GADL1: variants seen among roughly 807,000 people sequenced by gnomAD.
The protein encoded by GADL1 is GAD like acidic amino acid decarboxylase 1.
In GADL1, 71 loss-of-function variants were observed where a neutral mutation model predicts 69.5. The ratio of observed to expected loss-of-function variants is 1.02; its 90% CI spans 0.84 to 1.25. GADL1 has a LOEUF of 1.25. Ranked by LOEUF, GADL1 falls within the 50% of genes most tolerant of loss-of-function variation. The pLI, the probability that GADL1 is intolerant of heterozygous loss-of-function variation, is 0.00. For synonymous variants in GADL1, 254 were observed against 214.4 expected (o/e 1.18, Z -1.62); for missense variants, 737 against 631.8 (o/e 1.17, Z -1.79).
intron 14 of GADL1, among the ~76,000 whole-genome samples, chr3:30,740,404 G>A (rs1323877151): frequency 6.6e-6 from 1 of 152,142 alleles, no homozygotes; most frequent in Non-Finnish European, 1.5e-5. Context: ...CCAAGTTGGG[G>A]AAGTTGTGAG....
intron 6 of GADL1, among the ~76,000 whole-genome samples, chr3:30,847,564 TTAAAA>T (rs1189769638): frequency 6.6e-6 from 1 of 152,178 alleles, no homozygotes; most frequent in Non-Finnish European, 1.5e-5. Flanking sequence ...AAAATATGAA[TTAAAA>T]TAGTGCAAAT....
intron 11 of GADL1, among the ~76,000 whole-genome samples, chr3:30,829,149 G>A (rs187864678): frequency 2.7e-5 from 4 of 146,192 alleles, no homozygotes; most frequent in African/African-American, 7.6e-5. Flanking sequence ...CGCAAATCCC[G>A]CATTTACCTC....
chr3:30,867,481 C>T (rs536959974), intron 1 of GADL1, among the ~76,000 whole-genome samples: 2 of 138,128 alleles, frequency 1.4e-5, no homozygotes, highest in South Asian at 4.9e-4. Context: ...AGAGAGAGTA[C>T]TTACTATGTG....
chr3:30,792,901 C>T (rs770854202), intron 12 of GADL1, among the ~76,000 whole-genome samples: 3 of 152,100 alleles, frequency 2.0e-5, no homozygotes, highest in Non-Finnish European at 4.4e-5. Context: ...CTGACTAAAC[C>T]AATGTTCCCA....
chr3:30,800,271 G>GC (rs1317359351), intron 12 of GADL1: 2 of 153,334 alleles, frequency 1.3e-5, no homozygotes, highest in Non-Finnish European at 1.4e-5. Flanking sequence ...TTCTTGCATG[G>GC]CAGCAGCAAG....
intron 14 of GADL1, among the ~76,000 whole-genome samples, chr3:30,776,825 A>T (rs562853106): frequency 6.6e-6 from 1 of 152,010 alleles, no homozygotes; most frequent in South Asian, 2.1e-4. Context: ...CTCACCTCCC[A>T]TCACTGCTTC....
At chr3:30,821,144 A>AT (rs963952988) in intron 11 of GADL1, among the ~76,000 whole-genome samples, 95 of 152,132 alleles carry the variant, frequency 6.2e-4, no homozygotes, top group African/African-American at 2.0e-3. Flanking sequence ...TGGACACAGG[A>AT]AGGGGAACAT....
intron 14 of GADL1, among the ~76,000 whole-genome samples, chr3:30,763,513 G>GTGGGGT (rs1696192343): frequency 8.1e-6 from 1 of 123,418 alleles, no homozygotes; most frequent in African/African-American, 3.4e-5. Context: ...GCGGCGGGGG[G>GTGGGGT]TGGGGGTGGG....
chr3:30,796,807 G>A (rs1697041566), intron 12 of GADL1, among the ~76,000 whole-genome samples: 1 of 152,082 alleles, frequency 6.6e-6, no homozygotes, highest in African/African-American at 2.4e-5. Flanking sequence ...TTGAGTTAAT[G>A]TTTCCATCGC....
chr3:30,824,362 A>G (rs1281314058), intron 11 of GADL1, among the ~76,000 whole-genome samples: 2 of 150,784 alleles, frequency 1.3e-5, no homozygotes, highest in Non-Finnish European at 2.9e-5. Context: ...GCAAAAATGA[A>G]AAACATTTTT....
At chr3:30,881,891 G>A (rs1698647426) in intron 1 of GADL1, among the ~76,000 whole-genome samples, 1 of 151,866 alleles carries the variant, frequency 6.6e-6, no homozygotes, top group African/African-American at 2.4e-5. Context: ...AGGCAAGAGT[G>A]TAGCCTCCTG....
intron 8 of GADL1, among the ~76,000 whole-genome samples, chr3:30,841,303 G>A (rs2125527241): frequency 6.6e-6 from 1 of 152,274 alleles, no homozygotes; most frequent in Middle Eastern, 3.4e-3. Flanking sequence ...ACTTTTAAAT[G>A]TGCCTAAAGC....
chr3:30,739,825 C>T (rs1695590957), intron 14 of GADL1, among the ~76,000 whole-genome samples: 1 of 152,054 alleles, frequency 6.6e-6, no homozygotes, highest in Non-Finnish European at 1.5e-5. Context: ...GGTGTTTGTT[C>T]CTCCTGGAAA....
Position 30,834,393 on chromosome 3 carries a change from TTA to T in GADL1, c.904-114_904-113del, listed in dbSNP as rs1486850646. The T allele has an allele frequency of 4.8e-6, 4 of 827,968 alleles. No homozygotes were observed. The African/African-American group carries it at 5.1e-5, about 11-fold the overall frequency. The allele number at this position is 827,968 out of a possible 1,614,324, so 51.3% of individuals were successfully genotyped here. A position where few individuals can be genotyped will look rare whatever the true frequency, so the allele number is the denominator to read the frequency against. ...ACCTCAATCTGCATTATTTGATATTTTATGTCATGTTAACTAATTTGTACCCC... is the reference window on the plus strand; with the variant it reads ...ACCTCAATCTGCATTATTTGATATTTTGTCATGTTAACTAATTTGTACCCC... On this transcript the variant is annotated intron_variant, in intron 9 of 14. Coordinates refer to ENST00000282538, the MANE Select transcript of GADL1 (RefSeq NM_207359.3).
At chr3:30,778,329 T>C in intron 13 of GADL1, 61 bp from the exon 14 acceptor site, 1 of 1,083,442 alleles carries the variant, frequency 9.2e-7, no homozygotes, top group Non-Finnish European at 1.4e-6. Context: ...TGCAATGAAA[T>C]ACTTTTAAAA....
In GADL1 at chr3:30,894,497, G is replaced by C. The variant is rs921788947; in HGVS notation, c.37+81C>G. The stretch of plus-strand genomic sequence containing the variant: ...TTACAAAGAAATAACCAAACTTCTA[G>C]TCCCCAGGTCAAAAATAAGGAGATT... On this transcript the variant is annotated intron_variant, in intron 1 of 14. Transcript: ENST00000282538. The C allele has an allele frequency of 8.7e-6, 10 of 1,154,864 alleles. No homozygotes were observed. In the Admixed American group the frequency reaches 1.6e-4, roughly 18 times the overall value. 71.5% of individuals were successfully genotyped at this position (1,154,864 alleles called of 1,614,324 possible). A position where few individuals can be genotyped will look rare whatever the true frequency, so the allele number is the denominator to read the frequency against.
intron 1 of GADL1, among the ~76,000 whole-genome samples, chr3:30,886,203 T>C (rs562310247): frequency 3.5e-4 from 54 of 152,286 alleles, no homozygotes; most frequent in Admixed American, 6.5e-4. Context: ...GAACTGTACT[T>C]GATCGCCTAA....
chr3:30,838,095 G>T (rs187228638), intron 9 of GADL1, among the ~76,000 whole-genome samples: 1 of 152,154 alleles, frequency 6.6e-6, no homozygotes, highest in East Asian at 1.9e-4. Context: ...CCCCCCAAAT[G>T]CTGTTTCCTT....
At chr3:30,804,891 A>C (rs1490207226) in intron 11 of GADL1, among the ~76,000 whole-genome samples, 1 of 152,198 alleles carries the variant, frequency 6.6e-6, no homozygotes, top group African/African-American at 2.4e-5. Context: ...TTTTGTGACC[A>C]AACCTAGCAG....
Sources: allele counts gnomAD v4.1 joint callset (sites outside exome capture counted in the v4.1 genomes callset), GRCh38; gene constraint gnomAD v4.1.1; transcripts MANE v1.5; gene names NCBI Gene and HGNC (gene_info 2026-07-23, HGNC 2026-07-21).